The following NTRK3 variants were observed in gnomAD, a reference collection of about 807,000 sequenced individuals.
NTRK3 encodes the protein neurotrophic receptor tyrosine kinase 3, also known as NT-3 growth factor receptor.
In NTRK3, 24 loss-of-function variants were observed where a neutral mutation model predicts 91.7. The observed-to-expected ratio is 0.26, with a 90% CI of 0.19 to 0.37. NTRK3 has a LOEUF of 0.37. NTRK3 is among the 10% of genes least tolerant of loss of function. The pLI is 1.00. For synonymous variants in NTRK3, 483 were observed against 404.0 expected (o/e 1.20, Z -2.34); for missense variants, 880 against 1,068.9 (o/e 0.82, Z 2.46).
chr15:88,051,037 T>C (rs1202060598), intron 13 of NTRK3, among the ~76,000 whole-genome samples: 2 of 152,248 alleles, frequency 1.3e-5, no homozygotes, highest in Non-Finnish European at 2.9e-5. Context: ...TTCATAAACA[T>C]GTACAAATTG....
intron 5 of NTRK3, among the ~76,000 whole-genome samples, chr15:88,173,459 G>A (rs554121419): frequency 3.3e-5 from 5 of 152,280 alleles, no homozygotes; most frequent in South Asian, 2.1e-4. Context: ...CTCCTGCATC[G>A]ACATATCACA....
exon 19 of NTRK3, chr15:87,866,444 T>TAC (rs981116254): frequency 4.2e-5 from 7 of 165,308 alleles, no homozygotes; most frequent in East Asian, 1.2e-4. Flanking sequence ...TATATATATA[T>TAC]ACACACACAC....
At chr15:87,873,288 C>T (rs1003511187) in exon 19 of NTRK3, 1 of 231,024 alleles carries the variant, frequency 4.3e-6, no homozygotes, top group Non-Finnish European at 8.6e-6. Flanking sequence ...GGAAGCAGCA[C>T]CTCCTTTTTC....
intron 13 of NTRK3, among the ~76,000 whole-genome samples, chr15:88,068,488 G>T (rs1295369146): frequency 6.6e-6 from 1 of 152,068 alleles, no homozygotes; most frequent in Non-Finnish European, 1.5e-5. Context: ...TTAGAAAAAG[G>T]AATACTTTGA....
intron 14 of NTRK3, among the ~76,000 whole-genome samples, chr15:87,985,884 G>A (rs923984380): frequency 5.3e-5 from 8 of 152,272 alleles, no homozygotes; most frequent in Non-Finnish European, 1.2e-4. Context: ...GGGGAGGTGT[G>A]CTGGGGGGCC....
At chr15:87,909,183 G>A (rs1421857407) in intron 17 of NTRK3, among the ~76,000 whole-genome samples, 1 of 151,954 alleles carries the variant, frequency 6.6e-6, no homozygotes, top group Non-Finnish European at 1.5e-5. Context: ...CCTCCTCCTT[G>A]CTGTCCATGG....
rs552858067 is a variant in NTRK3 at position 88,235,056 on chromosome 15, C to T, written c.248+20850G>A. 1.0e-3 allele frequency among the ~76,000 whole-genome samples: 159 copies of T among 152,318 alleles called. No individual in the cohort carries two copies. Among genetic ancestry groups the T allele is most frequent in the African/African-American group, 3.6e-3 (151 of 41,570 alleles). On this transcript the variant is annotated intron_variant, in intron 3 of 18. Coordinates refer to ENST00000394480, the Ensembl canonical transcript of NTRK3. The surrounding 1 kb of genome is among the most constrained non-coding windows in gnomAD (Gnocchi z 5.2). Reference sequence around the variant, plus strand: ...ACAATCCATTCTCCGAGAGCCCAGACGCCCTACCCTTACACAAAGGCAGCC... The same window carrying T: ...ACAATCCATTCTCCGAGAGCCCAGATGCCCTACCCTTACACAAAGGCAGCC...
intron 3 of NTRK3, among the ~76,000 whole-genome samples, chr15:88,220,353 G>A (rs1049985760): frequency 2.0e-5 from 3 of 152,076 alleles, no homozygotes; most frequent in East Asian, 3.9e-4. Flanking sequence ...AAGAATGACC[G>A]AAACCTCAAA....
At chr15:88,155,020 A>C (rs1049908161) in intron 5 of NTRK3, among the ~76,000 whole-genome samples, 2 of 152,128 alleles carry the variant, frequency 1.3e-5, no homozygotes, top group African/African-American at 4.8e-5. Context: ...TTATAGTTCT[A>C]CCAAAACACA....
intron 3 of NTRK3, among the ~76,000 whole-genome samples, chr15:88,198,546 G>A (rs952121479): frequency 6.6e-6 from 1 of 152,190 alleles, no homozygotes; most frequent in Non-Finnish European, 1.5e-5. Flanking sequence ...TTTTCTAGGT[G>A]GCTGCTGATG....
chr15:87,925,567 A>C (rs2068231916), intron 17 of NTRK3: 1 of 212,600 alleles, frequency 4.7e-6, no homozygotes, highest in Non-Finnish European at 9.5e-6. Flanking sequence ...GAGAGGTACA[A>C]ACCTGTCCGG....
chr15:87,902,310 C>A (rs2066503893), intron 17 of NTRK3, among the ~76,000 whole-genome samples: 1 of 152,252 alleles, frequency 6.6e-6, no homozygotes, highest in African/African-American at 2.4e-5. Context: ...ACCTCATCAG[C>A]TAGGCTCCTG....
intron 13 of NTRK3, among the ~76,000 whole-genome samples, chr15:88,117,105 A>G (rs1483118793): frequency 2.0e-5 from 3 of 152,230 alleles, no homozygotes; most frequent in Non-Finnish European, 4.4e-5. Flanking sequence ...AGTGACCTGG[A>G]GTGTGGCCTA....
chr15:88,156,447 A>G (rs2043911904), intron 5 of NTRK3, among the ~76,000 whole-genome samples: 1 of 151,914 alleles, frequency 6.6e-6, no homozygotes, highest in African/African-American at 2.4e-5. Flanking sequence ...TTCTCTCACT[A>G]CCCACCTCCT....
At chr15:88,002,753 T>C (rs2076208377) in intron 14 of NTRK3, among the ~76,000 whole-genome samples, 1 of 145,578 alleles carries the variant, frequency 6.9e-6, no homozygotes, top group Non-Finnish European at 1.5e-5. Flanking sequence ...AATCAAAATA[T>C]CCATCCTTTA....
At chr15:87,986,697 C>G (rs1469838750) in intron 14 of NTRK3, among the ~76,000 whole-genome samples, 1 of 152,212 alleles carries the variant, frequency 6.6e-6, no homozygotes, top group African/African-American at 2.4e-5. Flanking sequence ...ACACTTGTTT[C>G]TATCTTTTGA....
intron 6 of NTRK3, among the ~76,000 whole-genome samples, chr15:88,143,360 G>T (rs1269352836): frequency 6.6e-6 from 1 of 152,238 alleles, no homozygotes; most frequent in East Asian, 1.9e-4. Context: ...ACCAGAAGCT[G>T]GAGGAGGCAA....
intron 14 of NTRK3, among the ~76,000 whole-genome samples, chr15:87,998,152 G>GATC (rs577294792): frequency 3.3e-5 from 5 of 152,126 alleles, no homozygotes; most frequent in Non-Finnish European, 5.9e-5. Context: ...ACCCCATTGT[G>GATC]ATCATCGAAA....
intron 14 of NTRK3, among the ~76,000 whole-genome samples, chr15:88,016,224 CT>C (rs1300789090): frequency 2.0e-5 from 3 of 152,144 alleles, no homozygotes; most frequent in Non-Finnish European, 4.4e-5. Flanking sequence ...GTTAGGTGTT[CT>C]GTCTGTTTTC....
Sources: gnomAD v4.1 joint callset for allele counts (sites outside exome capture counted in the v4.1 genomes callset) on GRCh38, gnomAD v4.1.1 for gene constraint, Gnocchi (gnomAD v3.1) non-coding constraint, MANE v1.5 for transcripts, NCBI Gene and HGNC (gene_info 2026-07-23, HGNC 2026-07-21) for gene names.